The following ARHGAP39 variants were observed in gnomAD, a reference collection of about 807,000 sequenced individuals.
ARHGAP39 encodes Rho GTPase activating protein 39.
A neutral mutation model predicts 106.9 loss-of-function variants in ARHGAP39; 44 were observed. The ratio of observed to expected loss-of-function variants is 0.41; its 90% CI spans 0.32 to 0.53. The LOEUF (loss-of-function observed/expected upper bound fraction) is 0.53. Ranked by LOEUF, ARHGAP39 falls within the 20% of genes least tolerant of loss-of-function variation. The pLI, the probability that ARHGAP39 is intolerant of heterozygous loss-of-function variation, is 0.21. For missense variants in ARHGAP39, 1,496 were observed against 1,577.3 expected, an observed-to-expected ratio of 0.95 and a Z score of 0.87; for synonymous variants, 768 against 693.2, an observed-to-expected ratio of 1.11 and a Z score of -1.69.
intron 1 of ARHGAP39, among the ~76,000 whole-genome samples, chr8:144,620,834 AG>A (rs1162808100): frequency 6.6e-6 from 1 of 152,236 alleles, no homozygotes; most frequent in Non-Finnish European, 1.5e-5. Flanking sequence ...AGTACAGAAG[AG>A]GGGCCGTGAG....
chr8:144,645,503 C>A lies in ARHGAP39; in HGVS notation c.-81-39808G>T, dbSNP rs550665883. On this transcript the variant is annotated intron_variant, in intron 1 of 11. Transcript: ENST00000377307. This position sits in a 1 kb window ranked among gnomAD's most constrained non-coding sequence, Gnocchi z 4.4. ...GAGTCACTGATGGTCTCCGTCAGGG[C>A]AGAGCCTCCCCGCCTCACTCTGGTC... Among the ~76,000 whole-genome samples the A allele has an allele frequency of 6.6e-6, 1 of 151,954 alleles. No homozygotes were observed. The highest frequency in any genetic ancestry group is 1.5e-5 in the Non-Finnish European group (1 of 67,974).
chr8:144,669,861 A>G (rs1822057449), intron 1 of ARHGAP39, among the ~76,000 whole-genome samples: 1 of 152,248 alleles, frequency 6.6e-6, no homozygotes, highest in Admixed American at 6.5e-5. Context: ...AGAAGGATGA[A>G]CAATCACAAG....
At chr8:144,588,666 C>A (rs1428720450) in intron 2 of ARHGAP39, among the ~76,000 whole-genome samples, 1 of 152,262 alleles carries the variant, frequency 6.6e-6, no homozygotes, top group Admixed American at 6.5e-5. Context: ...CTGAAGCCCA[C>A]GGCCTGTCTC....
chr8:144,536,767 G>A (rs1300671010), intron 7 of ARHGAP39, among the ~76,000 whole-genome samples: 2 of 152,218 alleles, frequency 1.3e-5, no homozygotes, highest in African/African-American at 4.8e-5. Flanking sequence ...CATTCCCCAC[G>A]AGGGCCCTTC....
chr8:144,572,581 A>T (rs1017521697), intron 3 of ARHGAP39, among the ~76,000 whole-genome samples: 10 of 152,346 alleles, frequency 6.6e-5, no homozygotes, highest in African/African-American at 1.9e-4. Flanking sequence ...GCACATCATA[A>T]CTAAAACACC....
chr8:144,649,086 AAGAT>A (rs1160557430), intron 1 of ARHGAP39, among the ~76,000 whole-genome samples: 11 of 152,310 alleles, frequency 7.2e-5, no homozygotes, highest in Middle Eastern at 3.4e-3. Context: ...AAAAATTAAT[AAGAT>A]AGATAGGCCA....
chr8:144,562,113 G>C (rs1277653118), intron 3 of ARHGAP39, among the ~76,000 whole-genome samples: 2 of 140,370 alleles, frequency 1.4e-5, no homozygotes, highest in Non-Finnish European at 1.5e-5. Flanking sequence ...GTTTCCATCG[G>C]ACTTACTCCA....
intron 3 of ARHGAP39, among the ~76,000 whole-genome samples, chr8:144,565,894 C>T (rs908655870): frequency 6.7e-4 from 100 of 148,786 alleles, no homozygotes; most frequent in African/African-American, 2.4e-3. Flanking sequence ...GAGTTTGAGA[C>T]CAGCCTGGGA....
At chr8:144,572,197 G>C (rs1216052695) in intron 3 of ARHGAP39, among the ~76,000 whole-genome samples, 1 of 152,154 alleles carries the variant, frequency 6.6e-6, no homozygotes, top group Non-Finnish European at 1.5e-5. Context: ...TAACAAAGCT[G>C]GAGGCATCAT....
At chr8:144,596,149 G>A (rs986026051) in intron 2 of ARHGAP39, among the ~76,000 whole-genome samples, 9 of 152,194 alleles carry the variant, frequency 5.9e-5, no homozygotes, top group African/African-American at 2.2e-4. Flanking sequence ...GGCAGCAGAG[G>A]GGACGGCTGA....
At position 144,562,484 on chromosome 8, in the gene ARHGAP39, G is replaced by A. The variant is rs367931863; in HGVS notation, c.513-6841C>T. Among the ~76,000 whole-genome samples the A allele has an allele frequency of 3.8e-4, 47 of 122,298 alleles. 1 individual carries two copies. Among genetic ancestry groups the A allele is most frequent in the Admixed American group, 1.6e-3 (19 of 12,244 alleles). The allele number at this position is 122,298 out of a possible 152,430, so 80.2% of individuals were successfully genotyped here. On this transcript the variant is annotated intron_variant, in intron 3 of 11. Coordinates refer to ENST00000377307, the MANE Select transcript of ARHGAP39 (RefSeq NM_025251.3). The stretch of plus-strand genomic sequence containing the variant: ...CCATCGCACTCCAGTGGTTTCCATC[G>A]CACTCCAGTGGTTTCCATCGGACTC...
chr8:144,606,347 C>A (rs1407077938), intron 1 of ARHGAP39, among the ~76,000 whole-genome samples: 8 of 152,192 alleles, frequency 5.3e-5, no homozygotes, highest in South Asian at 4.1e-4. Flanking sequence ...GCACAACCAA[C>A]CCCCTTCCTC....
chr8:144,657,885 C>T (rs1379741651), intron 1 of ARHGAP39, among the ~76,000 whole-genome samples: 2 of 152,084 alleles, frequency 1.3e-5, no homozygotes, highest in Non-Finnish European at 2.9e-5. Context: ...CTACAGTCAG[C>T]CCTCCACATC....
chr8:144,689,164 C>T (rs765924232), upstream of ARHGAP39, among the ~76,000 whole-genome samples: 7 of 152,038 alleles, frequency 4.6e-5, no homozygotes, highest in Non-Finnish European at 8.8e-5. Flanking sequence ...TTTACACATC[C>T]GTGTTCCTCT....
At chr8:144,609,799 CTTG>C (rs1820428047) in intron 1 of ARHGAP39, among the ~76,000 whole-genome samples, 1 of 152,132 alleles carries the variant, frequency 6.6e-6, no homozygotes, top group South Asian at 2.1e-4. Flanking sequence ...CTATTTTCTT[CTTG>C]TAACATCTTT....
At chr8:144,619,070 G>A (rs939933336) in intron 1 of ARHGAP39, among the ~76,000 whole-genome samples, 1 of 152,160 alleles carries the variant, frequency 6.6e-6, no homozygotes, top group East Asian at 1.9e-4. Context: ...CCAGAGAGCA[G>A]GACAGGCCCA....
intron 2 of ARHGAP39, among the ~76,000 whole-genome samples, chr8:144,597,558 C>T (rs946269496): frequency 2.8e-4 from 42 of 152,160 alleles, no homozygotes; most frequent in Non-Finnish European, 2.9e-4. Context: ...ATCTACGCGA[C>T]GCCCTTGAGG....
chr8:144,608,083 G>A (rs1432056628), intron 1 of ARHGAP39, among the ~76,000 whole-genome samples: 1 of 150,038 alleles, frequency 6.7e-6, no homozygotes, highest in African/African-American at 2.5e-5. Context: ...CCTGAACCTG[G>A]GAGGCTGAGG....
chr8:144,584,637 C>T (rs1025871481), intron 2 of ARHGAP39, among the ~76,000 whole-genome samples: 2 of 152,276 alleles, frequency 1.3e-5, no homozygotes, highest in Non-Finnish European at 2.9e-5. Context: ...GTGGCGTGCA[C>T]CTGTAATCTC....
Sources: allele counts gnomAD v4.1 joint callset (sites outside exome capture counted in the v4.1 genomes callset), GRCh38; gene constraint gnomAD v4.1.1; non-coding constraint Gnocchi (gnomAD v3.1); transcripts MANE v1.5; gene names NCBI Gene and HGNC (gene_info 2026-07-23, HGNC 2026-07-21).